Variants in WIPF2 observed in about 807,000 individuals in gnomAD.
WIPF2 encodes the protein WAS/WASL interacting protein family member 2.
Under a neutral mutation model 38.8 loss-of-function variants are expected in WIPF2, and 23 were observed. The observed-to-expected ratio is 0.59, with a 90% CI of 0.43 to 0.84. The LOEUF is 0.84. Ranked by LOEUF, WIPF2 falls within the 40% of genes least tolerant of loss-of-function variation. WIPF2 has a pLI of 0.00. For missense variants in WIPF2, 574 were observed against 580.5 expected (o/e 0.99, Z 0.11); for synonymous variants, 210 against 223.2 (o/e 0.94, Z 0.53).
At chr17:40,223,599 G>GT (rs527827847) in intron 1 of WIPF2, among the ~76,000 whole-genome samples, 18,330 of 129,976 alleles carry the variant, frequency 0.14, 1,262 homozygotes, top group East Asian at 0.29. Flanking sequence ...TTTTTTTTGG[G>GT]TTTTTTTTTT....
At chr17:40,254,757 A>AGCTCT (rs2031666780) in intron 1 of WIPF2, among the ~76,000 whole-genome samples, 3 of 150,872 alleles carry the variant, frequency 2.0e-5, no homozygotes, top group African/African-American at 7.3e-5. Context: ...TTTGAGACAG[A>AGCTCT]GTTTCGCTCT....
At chr17:40,222,890 C>G (rs1053926123) in intron 1 of WIPF2, among the ~76,000 whole-genome samples, 12 of 147,510 alleles carry the variant, frequency 8.1e-5, no homozygotes, top group Non-Finnish European at 1.5e-4. Flanking sequence ...AGGCTGGTCT[C>G]GAACTCCTGA....
chr17:40,276,939 G>A (rs903881669), intron 6 of WIPF2, 144 bp from the exon 7 acceptor site: 1 of 665,184 alleles, frequency 1.5e-6, no homozygotes, highest in Non-Finnish European at 2.6e-6. Flanking sequence ...GCTGTTCTCA[G>A]GGTGGTTGGT....
At chr17:40,273,042 T>C (rs530049487) in intron 5 of WIPF2, among the ~76,000 whole-genome samples, 158 of 152,190 alleles carry the variant, frequency 1.0e-3, no homozygotes, top group Non-Finnish European at 2.1e-3. Context: ...TTTTACTTAT[T>C]TATGTATTTG....
At chr17:40,235,002 T>C (rs2145301854) in intron 1 of WIPF2, among the ~76,000 whole-genome samples, 1 of 151,982 alleles carries the variant, frequency 6.6e-6, no homozygotes. Flanking sequence ...CACTGCAAGC[T>C]CTGCCTCCTG....
rs191851121 is a variant in WIPF2, at chr17:40,281,025, A to G, written c.*2800A>G. The G allele has an allele frequency of 2.2e-4, 33 of 152,768 alleles. No homozygotes were observed. In the East Asian group the frequency reaches 6.4e-3, roughly 29 times the overall value. 9.5% of individuals were successfully genotyped at this position (152,768 alleles called of 1,614,324 possible). On this transcript the variant is annotated 3_prime_UTR_variant, in exon 8 of 8. Transcript: ENST00000323571. ...GTTATCAGTCTATTTTGTATGTTGTAAAAAGCTTCTAATTTAGGTTTAAGG... is the reference window on the plus strand; with the variant it reads ...GTTATCAGTCTATTTTGTATGTTGTGAAAAGCTTCTAATTTAGGTTTAAGG...
rs535966048 is a variant in WIPF2, at chr17:40,226,134, T to C, written c.-70+6642T>C. ...GAATAATCTTTTTTTTTCCTCCCAA[T>C]AATCCCTCTGACTGTGAAAACATTC... On this transcript the variant is annotated intron_variant, in intron 1 of 7. Coordinates refer to ENST00000323571, the MANE Select transcript of WIPF2 (RefSeq NM_133264.5). Among the ~76,000 whole-genome samples, 15 of 147,928 alleles carry C rather than the reference T, an allele frequency of 1.0e-4. No individual in the cohort carries two copies. The East Asian group carries it at 2.4e-3, about 23-fold the overall frequency.
At chr17:40,268,938 G>A (rs1174452188) in intron 5 of WIPF2, among the ~76,000 whole-genome samples, 1 of 152,134 alleles carries the variant, frequency 6.6e-6, no homozygotes, top group Non-Finnish European at 1.5e-5. Flanking sequence ...TAATCCTAGT[G>A]CTTTGGGAGG....
chr17:40,228,902 C>A (rs2030617722), intron 1 of WIPF2, among the ~76,000 whole-genome samples: 1 of 151,882 alleles, frequency 6.6e-6, no homozygotes, highest in Non-Finnish European at 1.5e-5. Context: ...GCCACCACAC[C>A]TGGCCCTGAC....
chr17:40,258,631 G>C (rs2031804583), intron 2 of WIPF2, among the ~76,000 whole-genome samples: 2 of 152,096 alleles, frequency 1.3e-5, no homozygotes, highest in South Asian at 2.1e-4. Context: ...GTTGGGGGTA[G>C]AAAGAGGAGG....
At chr17:40,229,855 G>A (rs1486451360) in intron 1 of WIPF2, among the ~76,000 whole-genome samples, 2 of 152,206 alleles carry the variant, frequency 1.3e-5, no homozygotes, top group African/African-American at 4.8e-5. Flanking sequence ...ACTTTTAAGG[G>A]TGAAACCTAA....
intron 5 of WIPF2, among the ~76,000 whole-genome samples, chr17:40,269,822 G>T (rs72836656): frequency 0.13 from 18,860 of 149,820 alleles, 1,301 homozygotes; most frequent in East Asian, 0.29. Context: ...AGCCAGGATG[G>T]TCTCTATCTC....
chr17:40,238,650 T>C (rs2031071244), intron 1 of WIPF2, among the ~76,000 whole-genome samples: 1 of 152,024 alleles, frequency 6.6e-6, no homozygotes, highest in Non-Finnish European at 1.5e-5. Flanking sequence ...TCTCACTCTG[T>C]CGTCCAGGCT....
chr17:40,220,765 G>T (rs973309661), intron 1 of WIPF2, among the ~76,000 whole-genome samples: 4 of 147,240 alleles, frequency 2.7e-5, no homozygotes, highest in African/African-American at 1.0e-4. Context: ...ACTGTGCCTG[G>T]CCCAGAATTC....
At chr17:40,269,079 G>A (rs1219181387) in intron 5 of WIPF2, among the ~76,000 whole-genome samples, 1 of 152,082 alleles carries the variant, frequency 6.6e-6, no homozygotes, top group Non-Finnish European at 1.5e-5. Context: ...AGCAATTTGG[G>A]AGGCTGAGAC....
intron 1 of WIPF2, among the ~76,000 whole-genome samples, chr17:40,245,387 G>C (rs1230132488): frequency 6.6e-6 from 1 of 151,144 alleles, no homozygotes; most frequent in Non-Finnish European, 1.5e-5. Context: ...CTGTCGCCCA[G>C]GCTGGAGCGC....
chr17:40,234,585 A>G (rs2030884243), intron 1 of WIPF2, among the ~76,000 whole-genome samples: 1 of 152,158 alleles, frequency 6.6e-6, no homozygotes, highest in South Asian at 2.1e-4. Context: ...TGATCACACC[A>G]CTGCACTCCA....
chr17:40,228,197 A>G (rs1163323781), intron 1 of WIPF2, among the ~76,000 whole-genome samples: 1 of 149,610 alleles, frequency 6.7e-6, no homozygotes, highest in Non-Finnish European at 1.5e-5. Flanking sequence ...TTGTATTTTT[A>G]GTAGAGACGG....
intron 1 of WIPF2, among the ~76,000 whole-genome samples, chr17:40,230,260 GC>G (rs2030684064): frequency 6.6e-6 from 1 of 152,150 alleles, no homozygotes; most frequent in South Asian, 2.1e-4. Flanking sequence ...GATCACTTGA[GC>G]CCCAGGAGAG....
Sources: allele counts gnomAD v4.1 joint callset (sites outside exome capture counted in the v4.1 genomes callset), GRCh38; gene constraint gnomAD v4.1.1; transcripts MANE v1.5; gene names NCBI Gene and HGNC (gene_info 2026-07-23, HGNC 2026-07-21).